Variants in RBFOX1 observed in about 807,000 individuals in gnomAD.
RBFOX1 encodes the protein RNA binding fox-1 homolog 1.
RBFOX1 carries 8 observed loss-of-function variants against 57.7 expected under a neutral mutation model. The ratio of observed to expected loss-of-function variants is 0.14; its 90% CI spans 0.08 to 0.25. The LOEUF (loss-of-function observed/expected upper bound fraction) is 0.25. Ranked by LOEUF, RBFOX1 falls within the 10% of genes least tolerant of loss-of-function variation. RBFOX1 has a pLI of 1.00. For synonymous variants in RBFOX1, 326 were observed against 222.4 expected (o/e 1.47, Z -4.15); for missense variants, 611 against 548.5 (o/e 1.11, Z -1.14).
chr16:6,134,984 G>C (rs1391180469), intron 1 of RBFOX1, among the ~76,000 whole-genome samples: 1 of 152,064 alleles, frequency 6.6e-6, no homozygotes, highest in Non-Finnish European at 1.5e-5. Context: ...TCCAACTGCT[G>C]TCCGTCCCCC....
At chr16:6,275,183 C>T (rs969231802) in intron 1 of RBFOX1, among the ~76,000 whole-genome samples, 7 of 151,808 alleles carry the variant, frequency 4.6e-5, no homozygotes, top group African/African-American at 7.2e-5. Flanking sequence ...TGGTGGCGGG[C>T]GCCTGTAGTC....
chr16:5,389,660 C>T (rs966035188), intron 1 of RBFOX1, among the ~76,000 whole-genome samples: 1 of 151,582 alleles, frequency 6.6e-6, no homozygotes, highest in Non-Finnish European at 1.5e-5. Context: ...TTTGCTGCTT[C>T]TCTTCCTATT....
In RBFOX1 at chr16:7,653,919, C is replaced by T. The variant is rs1233849665; in HGVS notation, c.862C>T (p.Pro288Ser). Residue 288 changes from proline to serine, a missense_variant, in exon 12 of 16, where the codon CCC (proline) becomes TCC (serine). Physicochemically the swap from Pro to Ser is moderately conservative, Grantham distance 74. Transcript: ENST00000550418. ...TVYNTFRAAA[P>S]PPPIPAYGGV... ...GTACAACACCTTCAGGGCCGCGGCG[C>T]CCCCGCCCCCGATCCCGGCCTACGG... is the stretch of plus-strand genomic sequence containing the variant. The T allele has an allele frequency of 4.5e-6, 7 of 1,563,056 alleles. No homozygotes were observed. The highest frequency in any genetic ancestry group is 1.4e-5 in the African/African-American group (1 of 73,452).
chr16:5,465,923 C>T (rs542158940), intron 1 of RBFOX1, among the ~76,000 whole-genome samples: 20 of 152,264 alleles, frequency 1.3e-4, no homozygotes, highest in East Asian at 7.7e-4. Context: ...TCTCTGTCCA[C>T]GGTGCTGCGG....
intron 4 of RBFOX1, among the ~76,000 whole-genome samples, chr16:5,939,287 A>C (rs2059233863): frequency 6.6e-6 from 1 of 152,260 alleles, no homozygotes; most frequent in Non-Finnish European, 1.5e-5. Context: ...AAATCATCAC[A>C]AACTTAGATT....
At chr16:5,999,610 C>T (rs890237276) in intron 4 of RBFOX1, among the ~76,000 whole-genome samples, 2 of 152,120 alleles carry the variant, frequency 1.3e-5, no homozygotes, top group Non-Finnish European at 2.9e-5. Flanking sequence ...GCCTGTAATC[C>T]CGGCACTTTG....
rs10163465 is a variant in RBFOX1 at position 7,491,831 on chromosome 16, A to G, written c.28-26316A>G. ...TATATATTTAAAAACATGTCCTTGT[A>G]TTTAACAGAATTTTAAGGAAGAATT... On this transcript the variant is annotated intron_variant, in intron 4 of 15. Coordinates refer to ENST00000550418, the MANE Select transcript of RBFOX1 (RefSeq NM_018723.4). Among the ~76,000 whole-genome samples the G allele has an allele frequency of 3.9e-3, 600 of 152,242 alleles. 5 individuals carry two copies. Among genetic ancestry groups the G allele is most frequent in the African/African-American group, 0.014 (573 of 41,534 alleles).
chr16:5,856,868 C>G (rs962776467), intron 3 of RBFOX1, among the ~76,000 whole-genome samples: 6 of 151,810 alleles, frequency 4.0e-5, no homozygotes, highest in African/African-American at 1.5e-4. Context: ...AAACTTTGTC[C>G]ATATCATCAG....
chr16:6,939,921 C>G (rs2078062436), intron 3 of RBFOX1, among the ~76,000 whole-genome samples: 2 of 152,136 alleles, frequency 1.3e-5, no homozygotes, highest in African/African-American at 4.8e-5. Flanking sequence ...ATAATTTAAT[C>G]ACAACTCTGG....
intron 4 of RBFOX1, among the ~76,000 whole-genome samples, chr16:5,964,647 A>T (rs989785875): frequency 6.6e-6 from 1 of 152,114 alleles, no homozygotes; most frequent in Non-Finnish European, 1.5e-5. Context: ...ATACACACAC[A>T]TATATACATA....
intron 4 of RBFOX1, among the ~76,000 whole-genome samples, chr16:7,156,486 C>T (rs991170278): frequency 6.6e-6 from 1 of 151,952 alleles, no homozygotes; most frequent in Non-Finnish European, 1.5e-5. Flanking sequence ...GGTAGATACA[C>T]ATCTATGTGT....
At chr16:7,039,301 T>TC (rs747956956) in intron 3 of RBFOX1, among the ~76,000 whole-genome samples, 129 of 152,300 alleles carry the variant, frequency 8.5e-4, no homozygotes, top group Non-Finnish European at 1.6e-3. Context: ...TTCGTCCGTC[T>TC]CCCTTGACCC....
At chr16:6,193,379 T>C (rs1208427827) in intron 1 of RBFOX1, among the ~76,000 whole-genome samples, 1 of 63,136 alleles carries the variant, frequency 1.6e-5, no homozygotes, top group East Asian at 4.3e-4. Context: ...TATATATACA[T>C]TATATATATA....
Position 6,099,072 on chromosome 16 carries a change from G to T in RBFOX1, c.-127+79080G>T, listed in dbSNP as rs567562502. ...TGTTTCTCCATCTGGTTGAGAGTCT[G>T]TCATGTTGTATGAGTCCAGGGGGCG... On this transcript the variant is annotated intron_variant, in intron 1 of 15. Coordinates refer to ENST00000550418, the MANE Select transcript of RBFOX1 (RefSeq NM_018723.4). Among the ~76,000 whole-genome samples the T allele has an allele frequency of 1.4e-4, 21 of 152,344 alleles. No homozygotes were observed. The East Asian group carries it at 3.9e-3, about 28-fold the overall frequency.
intron 3 of RBFOX1, among the ~76,000 whole-genome samples, chr16:6,955,368 A>ACG (rs1892003202): frequency 6.7e-6 from 1 of 149,406 alleles, no homozygotes; most frequent in African/African-American, 2.4e-5. Context: ...ACACACACAC[A>ACG]CACACGTGCA....
At position 6,585,051 on chromosome 16, in the gene RBFOX1, ACTT is replaced by A. The variant is rs1437719763; in HGVS notation, c.-63-69546_-63-69544del. Among the ~76,000 whole-genome samples, 6 of 152,258 alleles carry A rather than the reference ACTT, an allele frequency of 3.9e-5. No homozygotes were observed. In the East Asian group the frequency reaches 7.7e-4, roughly 20 times the overall value. On this transcript the variant is annotated intron_variant, in intron 2 of 15. Coordinates refer to ENST00000550418, the MANE Select transcript of RBFOX1 (RefSeq NM_018723.4). ...ACCTGGTCAAGGCTTTGTAGGCATCACTTCTTCTCTGAGACACAGAGAGCTTGG... is the reference window on the plus strand; with the variant it reads ...ACCTGGTCAAGGCTTTGTAGGCATCACTTCTCTGAGACACAGAGAGCTTGG...
chr16:6,730,994 A>G (rs1289898127), intron 3 of RBFOX1, among the ~76,000 whole-genome samples: 3 of 152,158 alleles, frequency 2.0e-5, no homozygotes, highest in African/African-American at 7.2e-5. Context: ...TGTTAGTATC[A>G]TTGATGTCAG....
chr16:5,512,236 C>A (rs989741455), intron 2 of RBFOX1, among the ~76,000 whole-genome samples: 2 of 152,170 alleles, frequency 1.3e-5, no homozygotes, highest in African/African-American at 4.8e-5. Context: ...GCTGAAACTG[C>A]TGAATATGCA....
chr16:7,237,502 A>C (rs2093828488), intron 4 of RBFOX1, among the ~76,000 whole-genome samples: 1 of 152,238 alleles, frequency 6.6e-6, no homozygotes, highest in Non-Finnish European at 1.5e-5. Context: ...ATATCTCATT[A>C]GCCTGAAGCA....
Sources: allele counts gnomAD v4.1 joint callset (sites outside exome capture counted in the v4.1 genomes callset), GRCh38; gene constraint gnomAD v4.1.1; transcripts MANE v1.5; gene names NCBI Gene and HGNC (gene_info 2026-07-23, HGNC 2026-07-21).